ZNF365: variants seen among roughly 807,000 people sequenced by gnomAD.
The protein encoded by ZNF365 is zinc finger protein 365, also known as protein ZNF365.
Under a neutral mutation model 35.0 loss-of-function variants are expected in ZNF365, and 22 were observed. The observed-to-expected ratio is 0.63, with a 90% CI of 0.45 to 0.90. ZNF365 has a LOEUF of 0.90. Among genes scored for constraint, ZNF365 ranks in the 40% least tolerant of loss-of-function variants. The probability of loss-of-function intolerance (pLI) is 0.00; values close to 1 mark genes in which losing one functional copy is unlikely to be tolerated. For synonymous variants in ZNF365, 188 were observed against 196.2 expected (o/e 0.96, Z 0.35); for missense variants, 448 against 500.3 (o/e 0.90, Z 1.00).
At chr10:62,397,350 C>G (rs1839746399) in intron 3 of ZNF365, among the ~76,000 whole-genome samples, 1 of 152,020 alleles carries the variant, frequency 6.6e-6, no homozygotes, top group Admixed American at 6.5e-5. Flanking sequence ...TTAGGCTGAG[C>G]TTGGGTTTTC....
chr10:62,441,532 G>A (rs1179784086), intron 3 of ZNF365, among the ~76,000 whole-genome samples: 3 of 152,068 alleles, frequency 2.0e-5, no homozygotes, highest in African/African-American at 7.2e-5. Context: ...GAACCTTACT[G>A]ATTCTTGGGG....
At chr10:62,416,937 A>C (rs1840085127) in intron 3 of ZNF365, among the ~76,000 whole-genome samples, 1 of 152,132 alleles carries the variant, frequency 6.6e-6, no homozygotes, top group South Asian at 2.1e-4. Context: ...TCTCCAAACT[A>C]ATTAAAGGGC....
At chr10:62,416,732 T>C (rs1196232510) in intron 3 of ZNF365, among the ~76,000 whole-genome samples, 1 of 152,098 alleles carries the variant, frequency 6.6e-6, no homozygotes, top group Non-Finnish European at 1.5e-5. Context: ...TGTTTGTTTT[T>C]ACATTTTGGA....
chr10:62,379,412 C>T (rs748810888), intron 2 of ZNF365, among the ~76,000 whole-genome samples: 3 of 151,682 alleles, frequency 2.0e-5, no homozygotes, highest in African/African-American at 4.8e-5. Context: ...TAAATGAAAG[C>T]GCAGTGAAAT....
chr10:62,393,846 G>A (rs1250626971), intron 3 of ZNF365, among the ~76,000 whole-genome samples: 1 of 152,184 alleles, frequency 6.6e-6, no homozygotes, highest in Non-Finnish European at 1.5e-5. Flanking sequence ...TGATCAGGCT[G>A]TGGTGAGGGA....
intron 4 of ZNF365, among the ~76,000 whole-genome samples, chr10:62,473,784 C>A (rs935954378): frequency 6.6e-6 from 1 of 152,074 alleles, no homozygotes; most frequent in African/African-American, 2.4e-5. Context: ...TTGAAGAAAA[C>A]CAAACAAAGA....
intron 3 of ZNF365, among the ~76,000 whole-genome samples, chr10:62,427,114 T>C (rs1244023464): frequency 1.3e-5 from 2 of 152,220 alleles, no homozygotes; most frequent in East Asian, 1.9e-4. Context: ...ACTCACATGT[T>C]TGTGGTGATG....
chr10:62,437,941 T>G lies in ZNF365; in HGVS notation c.925-21800T>G, dbSNP rs184044770. Among the ~76,000 whole-genome samples, 3 of 152,342 alleles carry G rather than the reference T, an allele frequency of 2.0e-5. No homozygotes were observed. In the East Asian group the frequency reaches 5.8e-4, roughly 29 times the overall value. On this transcript the variant is annotated intron_variant, in intron 3 of 4. Coordinates refer to the ZNF365 transcript ENST00000395255. ...TGAGTTTTATTTGCTGAACACGCTC[T>G]ACATCCAACATCATTCTTCTGTCGT...
intron 3 of ZNF365, among the ~76,000 whole-genome samples, chr10:62,391,285 A>G (rs189608624): frequency 2.8e-4 from 43 of 152,194 alleles, no homozygotes; most frequent in Admixed American, 9.8e-4. Flanking sequence ...GGTTACATGA[A>G]TAAGTTCTTT....
At chr10:62,478,012 T>C (rs750753630) in intron 4 of ZNF365, among the ~76,000 whole-genome samples, 1 of 152,204 alleles carries the variant, frequency 6.6e-6, no homozygotes, top group Non-Finnish European at 1.5e-5. Context: ...TCCCACAAGC[T>C]GAACATACTC....
chr10:62,438,379 G>C (rs919679056), intron 3 of ZNF365, among the ~76,000 whole-genome samples: 1 of 151,796 alleles, frequency 6.6e-6, no homozygotes, highest in African/African-American at 2.4e-5. Context: ...GTAGAGATGA[G>C]GTTTCGCCAC....
intron 3 of ZNF365, among the ~76,000 whole-genome samples, chr10:62,419,688 T>C (rs999530411): frequency 4.6e-5 from 7 of 152,308 alleles, no homozygotes; most frequent in East Asian, 3.8e-4. Context: ...TTTTGAAAGA[T>C]GAATACATGG....
chr10:62,378,690 T>C (rs1392370052), intron 2 of ZNF365, among the ~76,000 whole-genome samples: 1 of 152,236 alleles, frequency 6.6e-6, no homozygotes, highest in African/African-American at 2.4e-5. Context: ...AGACCTTTCC[T>C]GTGTGCCTGC....
chr10:62,421,296 T>A (rs1456282184), intron 3 of ZNF365, among the ~76,000 whole-genome samples: 2 of 152,190 alleles, frequency 1.3e-5, no homozygotes, highest in African/African-American at 2.4e-5. Flanking sequence ...AATTATGTAC[T>A]GCAAATCTGT....
rs1589430244 is a variant in ZNF365 at position 62,388,584 on chromosome 10, A to G, written c.924+8A>G. On this transcript the variant is annotated splice_region_variant and intron_variant, in intron 3 of 4. Transcript: ENST00000395254. ...GATCTCAGCGGGCACGTGGTGAGTC[A>G]CCCCGGGCCAGCCACCGAGTGTAAG... 1.2e-6 allele frequency: 2 copies of G among 1,612,808 alleles called. No homozygotes were observed. Among genetic ancestry groups the G allele is most frequent in the East Asian group, 4.5e-5 (2 of 44,858 alleles).
At chr10:62,441,250 A>G (rs184579907) in intron 3 of ZNF365, among the ~76,000 whole-genome samples, 233 of 152,306 alleles carry the variant, frequency 1.5e-3, no homozygotes, top group African/African-American at 5.2e-3. Flanking sequence ...GTCTGATTCT[A>G]AAGTCCATAC....
At chr10:62,426,892 A>C (rs76630433) in intron 3 of ZNF365, among the ~76,000 whole-genome samples, 1,625 of 152,150 alleles carry the variant, frequency 0.011, 27 homozygotes, top group African/African-American at 0.038. Flanking sequence ...CACTTTGCCA[A>C]CTCTAAGAAT....
intron 2 of ZNF365, among the ~76,000 whole-genome samples, chr10:62,379,686 C>T (rs943622431): frequency 4.6e-5 from 7 of 152,116 alleles, no homozygotes; most frequent in Non-Finnish European, 1.0e-4. Flanking sequence ...GGGAGCTGCC[C>T]ACCTGTCACA....
intron 3 of ZNF365, among the ~76,000 whole-genome samples, chr10:62,447,977 G>A (rs908911675): frequency 8.5e-5 from 13 of 152,122 alleles, no homozygotes; most frequent in Non-Finnish European, 1.9e-4. Context: ...ACATCACAAA[G>A]TTGAAAGAAC....
Sources: gnomAD v4.1 joint callset for allele counts (sites outside exome capture counted in the v4.1 genomes callset) on GRCh38, gnomAD v4.1.1 for gene constraint, MANE v1.5 for transcripts, NCBI Gene and HGNC (gene_info 2026-07-23, HGNC 2026-07-21) for gene names.